OSBPL11: variants seen among roughly 807,000 people sequenced by gnomAD.
OSBPL11 encodes the protein oxysterol-binding protein-related protein 11.
OSBPL11 carries 33 observed loss-of-function variants against 84.4 expected under a neutral mutation model. That is an observed-to-expected ratio of 0.39 (90% CI 0.30 to 0.52). The LOEUF is 0.52. Ranked by LOEUF, OSBPL11 falls within the 20% of genes least tolerant of loss-of-function variation. OSBPL11 has a pLI of 0.72. For missense variants in OSBPL11, 736 were observed against 901.1 expected (o/e 0.82, Z 2.35); for synonymous variants, 276 against 310.2 (o/e 0.89, Z 1.16).
rs1288225301 is a variant in OSBPL11 at position 125,579,127 on chromosome 3, A to C, written c.410-88T>G. Reference sequence around the variant, plus strand: ...CAGTATGAAGATCAGATCACTGAAAAGCAGATACTGGTCTTACTCTCACTA... The same window carrying C: ...CAGTATGAAGATCAGATCACTGAAACGCAGATACTGGTCTTACTCTCACTA... On this transcript the variant is annotated intron_variant, in intron 3 of 12. Transcript: ENST00000296220. The C allele has an allele frequency of 6.3e-6, 6 of 956,050 alleles. No homozygotes were observed. The South Asian group carries it at 9.4e-5, about 15-fold the overall frequency. The allele number at this position is 956,050 out of a possible 1,614,324, so 59.2% of individuals were successfully genotyped here.
At chr3:125,577,189 G>A (rs1018893102) in intron 4 of OSBPL11, among the ~76,000 whole-genome samples, 1 of 151,798 alleles carries the variant, frequency 6.6e-6, no homozygotes, top group Non-Finnish European at 1.5e-5. Flanking sequence ...ATTCACTTCT[G>A]GGGGAAACCA....
intron 8 of OSBPL11, among the ~76,000 whole-genome samples, chr3:125,554,560 T>G (rs780300655): frequency 6.6e-6 from 1 of 152,124 alleles, no homozygotes; most frequent in Non-Finnish European, 1.5e-5. Flanking sequence ...ATCTGATTTC[T>G]GAGAAAACCT....
intron 10 of OSBPL11, among the ~76,000 whole-genome samples, chr3:125,543,856 C>T (rs940895205): frequency 6.6e-6 from 1 of 151,960 alleles, no homozygotes; most frequent in Non-Finnish European, 1.5e-5. Flanking sequence ...GCTGAGATCG[C>T]ACCACTGCAC....
At position 125,534,951 on chromosome 3, in the gene OSBPL11, GA is replaced by G. The variant is rs56164804; in HGVS notation, c.2025-2938del. Among the ~76,000 whole-genome samples, 261 of 64,646 alleles carry G rather than the reference GA, an allele frequency of 4.0e-3. 1 individual carries two copies. Among genetic ancestry groups the G allele is most frequent in the Non-Finnish European group, 5.2e-3 (194 of 36,986 alleles). 42.4% of individuals were successfully genotyped at this position (64,646 alleles called of 152,430 possible). On this transcript the variant is annotated intron_variant, in intron 11 of 12. Coordinates refer to ENST00000296220, the MANE Select transcript of OSBPL11 (RefSeq NM_022776.5). ...CCTAAGCTTCCATTGTAAGAAATTA[GA>G]AAAAAAAAAAAAAAAAAAAAAAAAA...
intron 11 of OSBPL11, among the ~76,000 whole-genome samples, chr3:125,535,269 C>T (rs1290337725): frequency 1.3e-5 from 2 of 151,846 alleles, no homozygotes; most frequent in Non-Finnish European, 2.9e-5. Context: ...GAAAGACAAA[C>T]TACCAAAGCT....
In OSBPL11 at chr3:125,530,351, T is replaced by A. The variant is rs1433411194; in HGVS notation, c.*164A>T. On this transcript the variant is annotated 3_prime_UTR_variant, in exon 13 of 13. Transcript: ENST00000296220. ...GGTCCACTGTGTTTCTTTACCACTT[T>A]GGTCTTGCTGCAGTATTATGGTGCC... The A allele has an allele frequency of 4.6e-6, 3 of 650,366 alleles. No homozygotes were observed. Among genetic ancestry groups the A allele is most frequent in the Non-Finnish European group, 8.3e-6 (3 of 361,754 alleles). The allele number at this position is 650,366 out of a possible 1,614,324, so 40.3% of individuals were successfully genotyped here. A position where few individuals can be genotyped will look rare whatever the true frequency, so the allele number is the denominator to read the frequency against.
In OSBPL11 at chr3:125,538,568, T is replaced by C. The variant is rs1157092797; in HGVS notation, c.1907A>G (p.Asn636Ser). The change falls in exon 11 of 13, where the codon AAT (asparagine) becomes AGT (serine). Residue 636 changes from asparagine (N) to serine (S), a missense_variant. Physicochemically the swap from Asn to Ser is conservative, Grantham distance 46. Transcript: ENST00000296220. ...GCTATATGTGAACTCAAGAACACTA[T>C]TCCATTCCCCTTGCACTCTGCATAC... ...TVVCRVQGEWNSVLEFTYSNG... is the reference protein window; with the variant it reads ...TVVCRVQGEWSSVLEFTYSNG... 3.1e-6 allele frequency: 5 copies of C among 1,614,030 alleles called. No individual in the cohort carries two copies. The highest frequency in any genetic ancestry group is 2.5e-6 in the Non-Finnish European group (3 of 1,180,006).
At chr3:125,574,057 C>G (rs1936280720) in intron 5 of OSBPL11, among the ~76,000 whole-genome samples, 1 of 152,092 alleles carries the variant, frequency 6.6e-6, no homozygotes, top group Non-Finnish European at 1.5e-5. Context: ...GTGTGCTCTG[C>G]AGAGACCCCT....
intron 5 of OSBPL11, among the ~76,000 whole-genome samples, chr3:125,573,948 A>C (rs879672313): frequency 3.0e-4 from 45 of 151,020 alleles, no homozygotes; most frequent in Non-Finnish European, 5.9e-4. Flanking sequence ...AAACTTACCC[A>C]CAGATTTGAT....
chr3:125,554,234 A>G (rs978392603), intron 8 of OSBPL11, among the ~76,000 whole-genome samples: 12 of 152,220 alleles, frequency 7.9e-5, no homozygotes. Context: ...AGGAATTCTA[A>G]GAGAGTGGAT....
intron 4 of OSBPL11, among the ~76,000 whole-genome samples, chr3:125,577,374 T>C (rs1156359431): frequency 2.6e-5 from 4 of 152,268 alleles, no homozygotes; most frequent in Admixed American, 6.5e-5. Flanking sequence ...AAAGAAGATA[T>C]ACAAATGACT....
At chr3:125,544,255 C>T (rs895868836) in intron 10 of OSBPL11, among the ~76,000 whole-genome samples, 1 of 151,968 alleles carries the variant, frequency 6.6e-6, no homozygotes, top group African/African-American at 2.4e-5. Flanking sequence ...GGGGTTTCAC[C>T]ATGTTGACCA....
chr3:125,535,873 C>T (rs1935634007), intron 11 of OSBPL11, among the ~76,000 whole-genome samples: 1 of 151,766 alleles, frequency 6.6e-6, no homozygotes, highest in Non-Finnish European at 1.5e-5. Flanking sequence ...TGGCTCAAGC[C>T]TGTAATTCCA....
chr3:125,568,291 C>T (rs1293153931), intron 5 of OSBPL11, among the ~76,000 whole-genome samples: 1 of 152,044 alleles, frequency 6.6e-6, no homozygotes, highest in Non-Finnish European at 1.5e-5. Flanking sequence ...ATTAGCCAGG[C>T]ATGGTGGCAG....
At chr3:125,563,886 T>C (rs530130464) in intron 6 of OSBPL11, 43 bp from the exon 7 acceptor site, 1 of 1,603,614 alleles carries the variant, frequency 6.2e-7, no homozygotes, top group East Asian at 2.2e-5. Context: ...TTGCTCATAA[T>C]CTAGAAAGTT....
At chr3:125,590,564 ATTT>A (rs1321089630) in intron 1 of OSBPL11, among the ~76,000 whole-genome samples, 1 of 150,470 alleles carries the variant, frequency 6.6e-6, no homozygotes, top group South Asian at 2.1e-4. Flanking sequence ...CAAAAAAAAA[ATTT>A]TTTTTTTCAA....
chr3:125,575,391 GTTTGT>G (rs1000773608), intron 5 of OSBPL11, among the ~76,000 whole-genome samples: 8 of 151,734 alleles, frequency 5.3e-5, no homozygotes, highest in African/African-American at 1.4e-4. Context: ...AAAGTTTTTT[GTTTGT>G]TTTGTTTTGT....
intron 1 of OSBPL11, among the ~76,000 whole-genome samples, chr3:125,585,738 A>G (rs1016715380): frequency 6.6e-6 from 1 of 152,156 alleles, no homozygotes; most frequent in African/African-American, 2.4e-5. Flanking sequence ...TCCCTCCCTC[A>G]TTCTTCCCCT....
intron 9 of OSBPL11, among the ~76,000 whole-genome samples, chr3:125,551,806 G>T (rs2107595272): frequency 6.6e-6 from 1 of 151,728 alleles, no homozygotes; most frequent in Admixed American, 6.6e-5. Context: ...CAAACGAAAA[G>T]AAATATTTAA....
Sources: allele counts gnomAD v4.1 joint callset (sites outside exome capture counted in the v4.1 genomes callset), GRCh38; gene constraint gnomAD v4.1.1; transcripts MANE v1.5; gene names NCBI Gene and HGNC (gene_info 2026-07-23, HGNC 2026-07-21).